GEMIN2: variants seen among roughly 807,000 people sequenced by gnomAD.
GEMIN2 encodes gem nuclear organelle associated protein 2.
In GEMIN2, 37 loss-of-function variants were observed where a neutral mutation model predicts 45.8. That is an observed-to-expected ratio of 0.81 (90% CI 0.62 to 1.06). The LOEUF (loss-of-function observed/expected upper bound fraction) is 1.06. Ranked by LOEUF, GEMIN2 falls within the 50% of genes least tolerant of loss-of-function variation. The probability of loss-of-function intolerance (pLI) is 0.00; values close to 1 mark genes in which losing one functional copy is unlikely to be tolerated. For missense variants in GEMIN2, 335 were observed against 321.8 expected (o/e 1.04, Z -0.31); for synonymous variants, 101 against 111.5 (o/e 0.91, Z 0.60).
At chr14:39,132,166 T>C (rs1431602094) in intron 8 of GEMIN2, 98 bp downstream of exon 8, 4 of 695,036 alleles carry the variant, frequency 5.8e-6, no homozygotes, top group African/African-American at 1.8e-5. Flanking sequence ...TGGAATATTT[T>C]ATTGGTGGCA....
rs1375926491 is a variant in GEMIN2, at chr14:39,136,780, T to A, written c.*301T>A. 1 of 256,860 alleles carries A rather than the reference T, an allele frequency of 3.9e-6. No individual in the cohort carries two copies. The highest frequency in any genetic ancestry group is 7.3e-6 in the Non-Finnish European group (1 of 136,860). The allele number at this position is 256,860 out of a possible 1,614,324, so 15.9% of individuals were successfully genotyped here. ...TAGGTTCTTGGTGCTGTTTTGTTCT[T>A]TTTTTGTTTTTTGTTGTTTTGTTAT... On this transcript the variant is annotated 3_prime_UTR_variant, in exon 10 of 10. Coordinates refer to ENST00000308317, the MANE Select transcript of GEMIN2 (RefSeq NM_003616.3).
intron 6 of GEMIN2, among the ~76,000 whole-genome samples, chr14:39,126,491 T>C (rs775270468): frequency 3.0e-4 from 45 of 152,258 alleles, no homozygotes; most frequent in Middle Eastern, 6.8e-3. Flanking sequence ...ACAATTTTTT[T>C]TGTGGGTGAT....
chr14:39,124,127 A>T (rs1021318272), intron 5 of GEMIN2, among the ~76,000 whole-genome samples: 4 of 151,858 alleles, frequency 2.6e-5, no homozygotes, highest in African/African-American at 4.8e-5. Flanking sequence ...ACACCATGTT[A>T]AAAAAAACCC....
chr14:39,114,703 C>T (rs949776258), intron 1 of GEMIN2, 126 bp from the exon 2 acceptor site: 1 of 674,670 alleles, frequency 1.5e-6, no homozygotes, highest in African/African-American at 1.8e-5. Context: ...TTGTTTAGTA[C>T]CTCAATTGGA....
At chr14:39,124,855 T>C in intron 5 of GEMIN2, 137 bp from the exon 6 acceptor site, 1 of 618,238 alleles carries the variant, frequency 1.6e-6, no homozygotes, top group Non-Finnish European at 2.9e-6. Flanking sequence ...GTCTCATTGT[T>C]ATGGACAATG....
At chr14:39,117,411 T>TA (rs1242590862) in intron 2 of GEMIN2, among the ~76,000 whole-genome samples, 1 of 152,182 alleles carries the variant, frequency 6.6e-6, no homozygotes, top group Non-Finnish European at 1.5e-5. Context: ...GCAGGCACAA[T>TA]AATAATTGTA....
chr14:39,129,586 G>T (rs1025294567), intron 7 of GEMIN2, among the ~76,000 whole-genome samples: 1 of 151,866 alleles, frequency 6.6e-6, no homozygotes, highest in African/African-American at 2.4e-5. Context: ...GCTAATTTTT[G>T]TATTTTTGTA....
chr14:39,122,335 A>C lies in GEMIN2; in HGVS notation c.373-95A>C, dbSNP rs1038481495. The C allele has an allele frequency of 1.1e-5, 7 of 646,488 alleles. No homozygotes were observed. The African/African-American group carries it at 1.3e-4, about 12-fold the overall frequency. 40.0% of individuals were successfully genotyped at this position (646,488 alleles called of 1,614,324 possible). A position where few individuals can be genotyped will look rare whatever the true frequency, so the allele number is the denominator to read the frequency against. The stretch of plus-strand genomic sequence containing the variant: ...TGGCTCCGTATCTTTGGGTTGCGGT[A>C]ATGGGAATATGGAAGGACTTAACTT... On this transcript the variant is annotated intron_variant, in intron 4 of 9. Transcript: ENST00000308317.
rs1264715921 is a variant in GEMIN2 at position 39,127,342 on chromosome 14, T to TTG, written c.532-937_532-936insGT. Among the ~76,000 whole-genome samples, 12 of 134,882 alleles carry TTG rather than the reference T, an allele frequency of 8.9e-5. No homozygotes were observed. The East Asian group carries it at 2.7e-3, about 30-fold the overall frequency. 88.5% of individuals were successfully genotyped at this position (134,882 alleles called of 152,430 possible). The stretch of plus-strand genomic sequence containing the variant: ...TGACCTCAGGTGTGCCATTGTTTTT[T>TTG]TTTTTTTTTTTTTTTTTTGAGACAG... On this transcript the variant is annotated intron_variant, in intron 6 of 9. Coordinates refer to ENST00000308317, the MANE Select transcript of GEMIN2 (RefSeq NM_003616.3).
chr14:39,127,590 T>A (rs957815517), intron 6 of GEMIN2, among the ~76,000 whole-genome samples: 1 of 151,984 alleles, frequency 6.6e-6, no homozygotes, highest in Admixed American at 6.6e-5. Context: ...TCCACCTGCC[T>A]CGGCCTCCCA....
Position 39,128,353 on chromosome 14 carries a change from T to C in GEMIN2, c.600+5T>C. ...AGAGACTTTACTCCAGAATTGGTAG[T>C]ATTGCATGTTTTTCTTTTCATAATG... On this transcript the variant is annotated splice_donor_5th_base_variant and intron_variant, in intron 7 of 9. Coordinates refer to ENST00000308317, the MANE Select transcript of GEMIN2 (RefSeq NM_003616.3). 6.6e-7 allele frequency: 1 copy of C among 1,515,660 alleles called. No individual in the cohort carries two copies. The highest frequency in any genetic ancestry group is 9.1e-7 in the Non-Finnish European group (1 of 1,097,182). The allele number at this position is 1,515,660 out of a possible 1,614,324, so 93.9% of individuals were successfully genotyped here.
In GEMIN2 at chr14:39,118,064, G is replaced by A; in HGVS notation, c.288G>A (p.Val96=). 6.2e-7 allele frequency: 1 copy of A among 1,603,442 alleles called. No homozygotes were observed. Residue 96 remains valine (V), a synonymous_variant, in exon 3 of 10, where the codon GTG becomes GTA. Coordinates refer to ENST00000308317, the MANE Select transcript of GEMIN2 (RefSeq NM_003616.3). ...CACTTCAATGGCAACAGCAACAAGT[G>A]GCACAGTTTTCAACTGTTCGACAGG... is the stretch of plus-strand genomic sequence containing the variant. The part of the protein sequence containing the change: ...SPTLQWQQQQ[V]AQFSTVRQNV...
chr14:39,131,526 A>G (rs2052715286), intron 7 of GEMIN2, among the ~76,000 whole-genome samples: 1 of 152,172 alleles, frequency 6.6e-6, no homozygotes, highest in African/African-American at 2.4e-5. Flanking sequence ...TCAAAAGATT[A>G]TTTCATCTGT....
At chr14:39,133,777 GTATT>G in intron 9 of GEMIN2, 58 bp downstream of exon 9, 1 of 934,744 alleles carries the variant, frequency 1.1e-6, no homozygotes, top group Non-Finnish European at 1.6e-6. Context: ...AGGTTAGATC[GTATT>G]TATTACATTT....
rs2052721488 is a variant in GEMIN2 at position 39,131,938 on chromosome 14, T to C, written c.601-20T>C. ...GGTTCAGTATTTGTCTAAATATTAA[T>C]TTTTTGAATTTTTTTTTAGGGAAGA... On this transcript the variant is annotated intron_variant, in intron 7 of 9. Coordinates refer to ENST00000308317, the MANE Select transcript of GEMIN2 (RefSeq NM_003616.3). 3 of 1,241,372 alleles carry C rather than the reference T, an allele frequency of 2.4e-6. No individual in the cohort carries two copies. The highest frequency in any genetic ancestry group is 1.5e-5 in the African/African-American group (1 of 67,030). 76.9% of individuals were successfully genotyped at this position (1,241,372 alleles called of 1,614,324 possible). A position where few individuals can be genotyped will look rare whatever the true frequency, so the allele number is the denominator to read the frequency against.
At position 39,128,295 on chromosome 14, in the gene GEMIN2, G is replaced by T; in HGVS notation, c.547G>T (p.Val183Phe). 6.4e-7 allele frequency: 1 copy of T among 1,557,390 alleles called. No individual in the cohort carries two copies. Residue 183 changes from valine (V) to phenylalanine (F), a missense_variant, in exon 7 of 10, where the codon GTC (valine) becomes TTC (phenylalanine). Transcript: ENST00000308317. The part of the protein sequence containing the change: ...SRMNQATVTS[V>F]LEYLSNWFGE... ...TTTTTTTTAGGCAACAGTAACTAGT[G>T]TCTTGGAATATCTGAGTAATTGGTT...
intron 4 of GEMIN2, 151 bp downstream of exon 4, chr14:39,118,750 T>C: frequency 2.2e-6 from 1 of 453,964 alleles, no homozygotes; most frequent in Non-Finnish European, 4.0e-6. Flanking sequence ...ATTACATTAG[T>C]AGCCTGGAAA....
intron 6 of GEMIN2, 25 bp from the exon 7 acceptor site, chr14:39,128,255 C>A: frequency 2.3e-6 from 3 of 1,331,308 alleles, no homozygotes; most frequent in Non-Finnish European, 3.2e-6. Flanking sequence ...TACAACTCTT[C>A]TCCACCCCCT....
At chr14:39,115,404 G>A (rs1400922078) in intron 2 of GEMIN2, among the ~76,000 whole-genome samples, 1 of 149,196 alleles carries the variant, frequency 6.7e-6, no homozygotes, top group Non-Finnish European at 1.5e-5. Flanking sequence ...TGCATGTTCT[G>A]AATTTGACCA....
Sources: gnomAD v4.1 joint callset for allele counts (sites outside exome capture counted in the v4.1 genomes callset) on GRCh38, gnomAD v4.1.1 for gene constraint, MANE v1.5 for transcripts, NCBI Gene and HGNC (gene_info 2026-07-23, HGNC 2026-07-21) for gene names.